The following ACMSD variants were observed in gnomAD, a reference collection of about 807,000 sequenced individuals.
ACMSD encodes the protein aminocarboxymuconate semialdehyde decarboxylase.
In ACMSD, 37 loss-of-function variants were observed where a neutral mutation model predicts 45.9. The ratio of observed to expected loss-of-function variants is 0.81; its 90% confidence interval spans 0.62 to 1.06. The LOEUF is 1.06. Among genes scored for constraint, ACMSD ranks in the 50% least tolerant of loss-of-function variants. ACMSD has a pLI of 0.00. For missense variants in ACMSD, 434 were observed against 420.9 expected, an observed-to-expected ratio of 1.03 and a Z score of -0.27; for synonymous variants, 138 against 148.8, an observed-to-expected ratio of 0.93 and a Z score of 0.53.
chr2:134,883,366 T>A (rs529398475), intron 8 of ACMSD, among the ~76,000 whole-genome samples: 11 of 152,170 alleles, frequency 7.2e-5, no homozygotes, highest in Non-Finnish European at 1.3e-4. Flanking sequence ...CCCAAGGAGC[T>A]AAGGTTAATG....
intron 8 of ACMSD, among the ~76,000 whole-genome samples, chr2:134,887,339 T>C (rs957729681): frequency 6.6e-6 from 1 of 152,212 alleles, no homozygotes; most frequent in African/African-American, 2.4e-5. Context: ...TAGTGTGATA[T>C]TGGCATAAGG....
chr2:134,868,461 T>C (rs555329616), intron 6 of ACMSD, among the ~76,000 whole-genome samples: 1 of 149,894 alleles, frequency 6.7e-6, no homozygotes, highest in African/African-American at 2.4e-5. Context: ...CTTTTTTTTT[T>C]TTTTTTTTTG....
chr2:134,863,517 G>A lies in ACMSD; in HGVS notation c.372G>A (p.Leu124=). The change falls in exon 5 of 10, where the codon CTG becomes CTA. Residue 124 remains leucine, a synonymous_variant. Coordinates refer to ENST00000356140, the MANE Select transcript of ACMSD (RefSeq NM_138326.3). The stretch of plus-strand genomic sequence containing the variant: ...CGTTGCCCATGCAGGCCCCTGAGCT[G>A]GCGGTCAAGGAGATGGAGCGCTGTG... ...LGTLPMQAPE[L]AVKEMERCVK... 1 of 1,614,224 alleles carries A rather than the reference G, an allele frequency of 6.2e-7. No individual in the cohort carries two copies. The highest frequency in any genetic ancestry group is 8.5e-7 in the Non-Finnish European group (1 of 1,180,036).
intron 8 of ACMSD, among the ~76,000 whole-genome samples, chr2:134,877,256 T>C (rs998829780): frequency 6.6e-6 from 1 of 152,186 alleles, no homozygotes; most frequent in Non-Finnish European, 1.5e-5. Context: ...GGGACCACCA[T>C]CACATACACA....
chr2:134,861,072 A>G (rs1420419294), intron 3 of ACMSD, among the ~76,000 whole-genome samples: 1 of 152,112 alleles, frequency 6.6e-6, no homozygotes, highest in Non-Finnish European at 1.5e-5. Context: ...TGGCATTTAA[A>G]TTGAACTTTG....
At chr2:134,895,309 G>GA (rs951465168) in intron 8 of ACMSD, among the ~76,000 whole-genome samples, 1 of 43,768 alleles carries the variant, frequency 2.3e-5, no homozygotes, top group Non-Finnish European at 4.0e-5. Flanking sequence ...TCTCAAAAAA[G>GA]AAAAAAAATA....
chr2:134,872,403 A>G, intron 7 of ACMSD, 66 bp from the exon 8 acceptor site: 1 of 1,586,726 alleles, frequency 6.3e-7, no homozygotes, highest in Non-Finnish European at 8.6e-7. Context: ...TCTTGCATAT[A>G]ACATCAAGAC....
chr2:134,868,451 C>CTTTTTTTT (rs1170969126), intron 6 of ACMSD, among the ~76,000 whole-genome samples: 4 of 124,208 alleles, frequency 3.2e-5, no homozygotes, highest in South Asian at 2.6e-4. Context: ...ATATTTTTTT[C>CTTTTTTTT]TTTTTTTTTT....
rs552028972 is a variant in ACMSD, at chr2:134,897,867, TTTTTTG to T, written c.850-456_850-451del. ...AGAGATAGGGGATTTTCTTTTTCTA[TTTTTTG>T]TTTTTGTTTTTGTTTTTTTTTTTTT... On this transcript the variant is annotated intron_variant, in intron 8 of 9. Transcript: ENST00000356140. Among the ~76,000 whole-genome samples the T allele has an allele frequency of 8.8e-3, 1,324 of 150,880 alleles. 6 individuals carry two copies. The highest frequency in any genetic ancestry group is 0.024 in the South Asian group (116 of 4,768).
intron 2 of ACMSD, among the ~76,000 whole-genome samples, chr2:134,855,695 C>T (rs1687548926): frequency 6.6e-6 from 1 of 152,242 alleles, no homozygotes; most frequent in South Asian, 2.1e-4. Flanking sequence ...AGTCAACTTG[C>T]TCACTGACCT....
At chr2:134,885,277 ATTATATATTATATTT>A (rs1559064543) in intron 8 of ACMSD, among the ~76,000 whole-genome samples, 1 of 60,750 alleles carries the variant, frequency 1.6e-5, no homozygotes, top group Non-Finnish European at 2.5e-5. Context: ...AAATATATAT[ATTATATATTATATTT>A]ATATATATAT....
chr2:134,866,862 CA>C (rs1688123575), intron 5 of ACMSD, among the ~76,000 whole-genome samples: 1 of 152,224 alleles, frequency 6.6e-6, no homozygotes, highest in Non-Finnish European at 1.5e-5. Flanking sequence ...CTATGACATT[CA>C]TGTCAGTGCC....
chr2:134,882,263 C>A (rs1689078092), intron 8 of ACMSD, among the ~76,000 whole-genome samples: 2 of 152,104 alleles, frequency 1.3e-5, no homozygotes, highest in Admixed American at 6.6e-5. Context: ...AGTAAAAATA[C>A]TTTTTTGAAG....
intron 8 of ACMSD, among the ~76,000 whole-genome samples, chr2:134,880,451 A>T (rs1688976029): frequency 1.3e-5 from 2 of 151,764 alleles, no homozygotes; most frequent in Non-Finnish European, 2.9e-5. Context: ...CTAAAGTAGA[A>T]CCTATTTTTG....
chr2:134,890,930 A>G (rs1444647609), intron 8 of ACMSD, among the ~76,000 whole-genome samples: 1 of 152,002 alleles, frequency 6.6e-6, no homozygotes, highest in African/African-American at 2.4e-5. Context: ...AAACCATAAC[A>G]TATCTGTATA....
At chr2:134,890,580 T>C (rs1471714893) in intron 8 of ACMSD, among the ~76,000 whole-genome samples, 2 of 152,084 alleles carry the variant, frequency 1.3e-5, no homozygotes, top group Non-Finnish European at 2.9e-5. Flanking sequence ...TTATCAATGT[T>C]AAATTTCCTG....
intron 2 of ACMSD, among the ~76,000 whole-genome samples, chr2:134,851,887 T>G (rs1573627006): frequency 2.0e-5 from 3 of 152,256 alleles, no homozygotes; most frequent in African/African-American, 7.2e-5. Context: ...CATTTTTTCA[T>G]GTCTGTTGGT....
Position 134,859,374 on chromosome 2 carries a change from T to C in ACMSD, c.199+17T>C, listed in dbSNP as rs1687741704. 3.1e-6 allele frequency: 5 copies of C among 1,609,002 alleles called. No homozygotes were observed. The highest frequency in any genetic ancestry group is 4.3e-6 in the Non-Finnish European group (5 of 1,175,676). On this transcript the variant is annotated intron_variant, in intron 3 of 9. Transcript: ENST00000356140. ...ACCAAAAAGGTACGATGAGAAGTGC[T>C]ACCAATGTTAGCATCTGATGTAAAA... is the stretch of plus-strand genomic sequence containing the variant.
rs146003945 is a variant in ACMSD at position 134,863,545 on chromosome 2, A to G, written c.400A>G (p.Lys134Glu). The G allele has an allele frequency of 1.6e-4, 254 of 1,614,174 alleles. 1 individual carries two copies. Among genetic ancestry groups the G allele is most frequent in the Middle Eastern group, 9.9e-4 (6 of 6,062 alleles). ...GGTCAAGGAGATGGAGCGCTGTGTG[A>G]AAGAGCTGGGCTTTCCCGGGGTCCA... Reference protein sequence around the residue: ...LAVKEMERCVKELGFPGVQIG... With the variant: ...LAVKEMERCVEELGFPGVQIG... Residue 134 changes from lysine to glutamate, a missense_variant, in exon 5 of 10, where the codon AAA (lysine) becomes GAA (glutamate). Lys to Glu is a moderately conservative substitution (Grantham distance 56, BLOSUM62 1). Coordinates refer to ENST00000356140, the MANE Select transcript of ACMSD (RefSeq NM_138326.3).
Sources: allele counts gnomAD v4.1 joint callset (sites outside exome capture counted in the v4.1 genomes callset), GRCh38; gene constraint gnomAD v4.1.1; transcripts MANE v1.5; gene names NCBI Gene and HGNC (gene_info 2026-07-23, HGNC 2026-07-21).